Variants in ABCB7 observed in about 807,000 individuals in gnomAD.
ABCB7 encodes the protein iron-sulfur clusters transporter ABCB7, mitochondrial.
In ABCB7, 7 loss-of-function variants were observed where a neutral mutation model predicts 54.4. That is an observed-to-expected ratio of 0.13 (90% CI 0.07 to 0.24). The LOEUF is 0.24. Ranked by LOEUF, ABCB7 falls within the 10% of genes least tolerant of loss-of-function variation. The probability of loss-of-function intolerance (pLI) is 1.00; values close to 1 mark genes in which losing one functional copy is unlikely to be tolerated. For missense variants in ABCB7, 356 were observed against 570.4 expected (o/e 0.62, Z 3.83); for synonymous variants, 218 against 207.1 (o/e 1.05, Z -0.45).
intron 1 of ABCB7, among the ~76,000 whole-genome samples, chrX:75,153,954 T>C (rs1382038658): frequency 9.1e-6 from 1 of 109,311 alleles, no homozygotes; most frequent in Non-Finnish European, 1.9e-5. Context: ...CTCTAAAATA[T>C]TATGCTATAT....
intron 4 of ABCB7, among the ~76,000 whole-genome samples, chrX:75,088,447 C>G (rs1268332919): frequency 8.9e-6 from 1 of 111,755 alleles, no homozygotes; most frequent in East Asian, 2.8e-4. Flanking sequence ...GTAATATAAA[C>G]AGAGAGGAAT....
chrX:75,103,892 G>T (rs144752384), intron 3 of ABCB7, among the ~76,000 whole-genome samples: 1,570 of 107,986 alleles, frequency 0.015, 30 homozygotes, highest in African/African-American at 0.05. Context: ...TTTTTTTCTA[G>T]ATATAAAATC....
At chrX:75,101,103 G>T (rs901441397) in intron 3 of ABCB7, among the ~76,000 whole-genome samples, 10 of 110,785 alleles carry the variant, frequency 9.0e-5, no homozygotes, top group Non-Finnish European at 1.7e-4. Flanking sequence ...AATAACAGTA[G>T]CTGTGAGTGG....
intron 1 of ABCB7, among the ~76,000 whole-genome samples, chrX:75,137,446 T>A (rs893966663): frequency 8.9e-6 from 1 of 112,364 alleles, no homozygotes; most frequent in Non-Finnish European, 1.9e-5. Flanking sequence ...GTAAATTAGT[T>A]CAGCCATTGT....
chrX:75,079,080 G>A (rs1016088974), intron 4 of ABCB7, among the ~76,000 whole-genome samples: 2 of 111,698 alleles, frequency 1.8e-5, no homozygotes, highest in Admixed American at 1.9e-4. Context: ...CAATAAAGTT[G>A]TGCAATTTTA....
intron 1 of ABCB7, among the ~76,000 whole-genome samples, chrX:75,138,404 T>C (rs928144884): frequency 8.9e-6 from 1 of 112,350 alleles, no homozygotes; most frequent in East Asian, 2.8e-4. Context: ...TCAATCTGTA[T>C]TTAATGGGTT....
intron 1 of ABCB7, among the ~76,000 whole-genome samples, chrX:75,115,801 G>A (rs895780416): frequency 4.7e-5 from 5 of 107,240 alleles, no homozygotes; most frequent in Admixed American, 1.0e-4. Flanking sequence ...GGGGGGGCAC[G>A]GGGCAGAATT....
chrX:75,069,488 G>A (rs1242149829), intron 10 of ABCB7, 34 bp from the exon 11 acceptor site: 4 of 1,178,917 alleles, frequency 3.4e-6, no homozygotes, highest in African/African-American at 1.8e-5. Flanking sequence ...GCCACTTTAC[G>A]CACTGCCTAG....
At chrX:75,106,722 C>T (rs1422155080) in intron 3 of ABCB7, among the ~76,000 whole-genome samples, 1 of 111,508 alleles carries the variant, frequency 9.0e-6, no homozygotes, top group Non-Finnish European at 1.9e-5. Context: ...TTCATACTAG[C>T]AAAGTAATGG....
At chrX:75,127,506 T>C (rs141869257) in intron 1 of ABCB7, among the ~76,000 whole-genome samples, 3,207 of 111,536 alleles carry the variant, frequency 0.029, 117 homozygotes, top group African/African-American at 0.1. Context: ...CACAAGGACA[T>C]GGATGCCCTC....
chrX:75,128,620 G>A (rs1320242277), intron 1 of ABCB7, among the ~76,000 whole-genome samples: 1 of 111,547 alleles, frequency 9.0e-6, no homozygotes, highest in Non-Finnish European at 1.9e-5. Flanking sequence ...AAACTAAAGA[G>A]CTTCTACACT....
intron 12 of ABCB7, among the ~76,000 whole-genome samples, chrX:75,065,562 T>C (rs1247300863): frequency 2.7e-5 from 3 of 111,876 alleles, no homozygotes; most frequent in Admixed American, 9.5e-5. Context: ...ATAGAGATTG[T>C]CCATGTCAAT....
At chrX:75,102,250 C>T (rs1296702528) in intron 3 of ABCB7, among the ~76,000 whole-genome samples, 1 of 110,582 alleles carries the variant, frequency 9.0e-6, no homozygotes, top group Non-Finnish European at 1.9e-5. Context: ...ATTATAGTCA[C>T]CCTGCTCTGC....
rs1196256085 is a variant in ABCB7 at position 75,060,346 on chromosome X, T to C, written c.1936-16A>G. 9.1e-7 allele frequency: 1 copy of C among 1,101,307 alleles called. No individual in the cohort carries two copies. Among genetic ancestry groups the C allele is most frequent in the Non-Finnish European group, 1.3e-6 (1 of 795,394 alleles). 90.8% of individuals were successfully genotyped at this position (1,101,307 alleles called of 1,213,427 possible). A position where few individuals can be genotyped will look rare whatever the true frequency, so the allele number is the denominator to read the frequency against. On this transcript the variant is annotated splice_polypyrimidine_tract_variant and intron_variant, in intron 14 of 15. Transcript: ENST00000373394. ...CAAGAATAGTCTGCAAGTTTGGTAATATGAAGAACAGGAGAAAATAAAAAG... is the reference window on the plus strand; with the variant it reads ...CAAGAATAGTCTGCAAGTTTGGTAACATGAAGAACAGGAGAAAATAAAAAG...
At position 75,085,289 on chromosome X, in the gene ABCB7, C is replaced by T. The variant is rs1296975571; in HGVS notation, c.454-8635G>A. Among the ~76,000 whole-genome samples, 3 of 112,085 alleles carry T rather than the reference C, an allele frequency of 2.7e-5. No individual in the cohort carries two copies. The Admixed American group carries it at 2.8e-4, about 11-fold the overall frequency. On this transcript the variant is annotated intron_variant, in intron 4 of 15. Transcript: ENST00000373394. Reference sequence around the variant, plus strand: ...ATGAAAAGAAACAAACTGGTATATCCAATAACATGGATGAATGACCAAGAC... The same window carrying T: ...ATGAAAAGAAACAAACTGGTATATCTAATAACATGGATGAATGACCAAGAC...
At chrX:75,129,662 C>T (rs960990092) in intron 1 of ABCB7, among the ~76,000 whole-genome samples, 1 of 107,886 alleles carries the variant, frequency 9.3e-6, no homozygotes, top group Admixed American at 1.0e-4. Flanking sequence ...ACAAGGAAAC[C>T]CTTTCACTAT....
intron 9 of ABCB7, among the ~76,000 whole-genome samples, chrX:75,071,278 G>A (rs928797308): frequency 9.9e-5 from 11 of 111,146 alleles, no homozygotes; most frequent in African/African-American, 3.3e-4. Flanking sequence ...AGAACAGGTA[G>A]TTCCAAACAG....
At chrX:75,054,907 G>A (rs6647615) in intron 15 of ABCB7, among the ~76,000 whole-genome samples, 13,896 of 109,881 alleles carry the variant, frequency 0.13, 1,545 homozygotes, top group East Asian at 0.91. Flanking sequence ...TACTTTCTAC[G>A]GCAAAAACCA....
At chrX:75,061,225 A>G (rs2081280242) in intron 14 of ABCB7, among the ~76,000 whole-genome samples, 1 of 111,444 alleles carries the variant, frequency 9.0e-6, no homozygotes, top group Non-Finnish European at 1.9e-5. Flanking sequence ...AAGACTCTGG[A>G]CTTTTTAAAA....
Sources: gnomAD v4.1 joint callset for allele counts (sites outside exome capture counted in the v4.1 genomes callset) on GRCh38, gnomAD v4.1.1 for gene constraint, MANE v1.5 for transcripts, NCBI Gene and HGNC (gene_info 2026-07-23, HGNC 2026-07-21) for gene names.